Variants in SORBS2 observed in about 807,000 individuals in gnomAD.
SORBS2 encodes the protein sorbin and SH3 domain containing 2, also known as sorbin and SH3 domain-containing protein 2.
Under a neutral mutation model 97.7 loss-of-function variants are expected in SORBS2, and 46 were observed. The observed-to-expected ratio is 0.47, with a 90% CI of 0.37 to 0.60. The LOEUF is 0.60. SORBS2 is among the 20% of genes least tolerant of loss of function. The pLI is 0.00. For synonymous variants in SORBS2, 476 were observed against 473.4 expected (o/e 1.01, Z -0.07); for missense variants, 1,316 against 1,282.3 (o/e 1.03, Z -0.40).
At chr4:185,657,418 T>G, upstream of SORBS2, 1 of 1,534,338 alleles carries the variant, frequency 6.5e-7, no homozygotes, top group Non-Finnish European at 8.7e-7. Flanking sequence ...CGCTGGCATT[T>G]CCTACCGTTC....
intron 1 of SORBS2, among the ~76,000 whole-genome samples, chr4:185,877,882 A>AG (rs1407931116): frequency 1.3e-5 from 2 of 148,996 alleles, no homozygotes; most frequent in African/African-American, 4.9e-5. Flanking sequence ...AACAAAAAAA[A>AG]AAAAGAAAGA....
chr4:185,827,306 T>TCAC (rs1561211208), intron 1 of SORBS2, among the ~76,000 whole-genome samples: 5 of 64,454 alleles, frequency 7.8e-5, no homozygotes, highest in Admixed American at 1.5e-4. Context: ...ATCATCACCA[T>TCAC]CATCACCATC....
At chr4:185,660,664 T>C (rs1465944754), upstream of SORBS2, among the ~76,000 whole-genome samples, 2 of 152,226 alleles carry the variant, frequency 1.3e-5, no homozygotes, top group African/African-American at 2.4e-5. Context: ...AACAGCATCA[T>C]AGCCTCTCAA....
At chr4:185,838,782 T>C (rs1208856431) in intron 1 of SORBS2, among the ~76,000 whole-genome samples, 2 of 152,190 alleles carry the variant, frequency 1.3e-5, no homozygotes, top group Admixed American at 6.5e-5. Context: ...AGTTAAGTCC[T>C]AGTTAAGTAA....
At chr4:185,861,959 C>G (rs1337722265) in intron 1 of SORBS2, among the ~76,000 whole-genome samples, 2 of 152,120 alleles carry the variant, frequency 1.3e-5, no homozygotes, top group African/African-American at 4.8e-5. Flanking sequence ...TAGGGGGCAA[C>G]TGGAAGCTGG....
At position 185,646,714 on chromosome 4, in the gene SORBS2, A is replaced by G. The variant is rs748372194; in HGVS notation, c.350T>C (p.Phe117Ser). ...TGATGACTTGCCAGGTTCATATTCA[A>G]AAATACTCCTTGGCTCAGACCGAAA... The change falls in exon 4 of 15, where the codon TTT becomes TCT. Residue 117 changes from phenylalanine to serine, a missense_variant. Phe to Ser is a radical substitution (Grantham distance 155). Transcript: ENST00000418609. 4 of 1,613,864 alleles carry G rather than the reference A, an allele frequency of 2.5e-6. No individual in the cohort carries two copies. The African/African-American group carries it at 5.3e-5, about 22-fold the overall frequency.
intron 2 of SORBS2, among the ~76,000 whole-genome samples, chr4:185,744,379 G>A (rs1371631721): frequency 2.0e-5 from 3 of 152,076 alleles, no homozygotes; most frequent in Non-Finnish European, 4.4e-5. Context: ...CCAGGTTTCT[G>A]TTTCACTAAA....
chr4:185,885,844 T>C (rs899538099), intron 1 of SORBS2, among the ~76,000 whole-genome samples: 7 of 152,174 alleles, frequency 4.6e-5, no homozygotes, highest in Admixed American at 1.3e-4. Context: ...TTTTAGAAAA[T>C]ACGAATTCGG....
intron 11 of SORBS2, among the ~76,000 whole-genome samples, chr4:185,614,149 GT>G (rs1300167096): frequency 3.6e-5 from 4 of 110,912 alleles, no homozygotes; most frequent in East Asian, 3.0e-4. Flanking sequence ...GTTTTTGATT[GT>G]TTTTTTGTGT....
rs1378274531 is a variant in SORBS2, at chr4:185,606,068, T to C, written c.2796+5712A>G. 1.0e-6 allele frequency: 1 copy of C among 984,630 alleles called. No homozygotes were observed. The highest frequency in any genetic ancestry group is 1.7e-5 in the African/African-American group (1 of 57,242). 61.0% of individuals were successfully genotyped at this position (984,630 alleles called of 1,614,324 possible). On this transcript the variant is annotated intron_variant, in intron 12 of 14. Transcript: ENST00000418609. This position sits in a 1 kb window ranked among gnomAD's most constrained non-coding sequence, Gnocchi z 4.3. ...CAGAAGTGCTGTTTTTCTTTTCTGTTGTCTTTGTTTATTATTAGCATTATT... is the reference window on the plus strand; with the variant it reads ...CAGAAGTGCTGTTTTTCTTTTCTGTCGTCTTTGTTTATTATTAGCATTATT...
intron 4 of SORBS2, among the ~76,000 whole-genome samples, chr4:185,642,870 G>C (rs1463056571): frequency 1.3e-5 from 2 of 152,172 alleles, no homozygotes; most frequent in Non-Finnish European, 2.9e-5. Flanking sequence ...AGAATGTTTT[G>C]AGACCCACTG....
At chr4:185,800,554 C>G (rs2099125379) in intron 1 of SORBS2, among the ~76,000 whole-genome samples, 1 of 152,120 alleles carries the variant, frequency 6.6e-6, no homozygotes, top group Non-Finnish European at 1.5e-5. Context: ...GCTGTCCTCC[C>G]TGGGATCTTG....
chr4:185,717,239 C>T (rs1583328582), intron 2 of SORBS2, among the ~76,000 whole-genome samples: 4 of 152,200 alleles, frequency 2.6e-5, no homozygotes, highest in Admixed American at 2.6e-4. Flanking sequence ...AGGAGATGGC[C>T]GCTCTGTGTT....
chr4:185,684,846 T>A lies in SORBS2; in HGVS notation c.-197-6024A>T. 1.3e-6 allele frequency: 2 copies of A among 1,551,606 alleles called. No homozygotes were observed. The highest frequency in any genetic ancestry group is 1.7e-6 in the Non-Finnish European group (2 of 1,146,868). ...ACGTTTGCGAGCACACCCACCGCTATCTGGAAGCAAAAAAATGATATAGCA... is the reference window on the plus strand; with the variant it reads ...ACGTTTGCGAGCACACCCACCGCTAACTGGAAGCAAAAAAATGATATAGCA... On this transcript the variant is annotated intron_variant, in intron 2 of 20. Coordinates refer to the SORBS2 transcript ENST00000284776. The surrounding 1 kb of genome is among the most constrained non-coding windows in gnomAD (Gnocchi z 4.2).
At chr4:185,700,330 C>G (rs1401744887) in intron 2 of SORBS2, among the ~76,000 whole-genome samples, 2 of 132,206 alleles carry the variant, frequency 1.5e-5, no homozygotes, top group Non-Finnish European at 3.1e-5. Context: ...ACTTGAGTCT[C>G]TAGGCAGGCT....
intron 1 of SORBS2, among the ~76,000 whole-genome samples, chr4:185,790,659 C>T (rs77281266): frequency 6.6e-6 from 1 of 152,282 alleles, no homozygotes; most frequent in African/African-American, 2.4e-5. Flanking sequence ...GTAAAAGAAA[C>T]TATTATTTCA....
intron 1 of SORBS2, chr4:185,811,928 G>A (rs2099186974): frequency 1.3e-5 from 2 of 152,274 alleles, no homozygotes; most frequent in Non-Finnish European, 2.9e-5. Context: ...AAGCAGCTAG[G>A]GAGCTGCTGA....
intron 1 of SORBS2, among the ~76,000 whole-genome samples, chr4:185,909,760 G>A (rs1197188420): frequency 6.6e-6 from 1 of 151,854 alleles, no homozygotes; most frequent in Admixed American, 6.6e-5. Context: ...TTCACTCATA[G>A]CAATATTTGA....
intron 1 of SORBS2, among the ~76,000 whole-genome samples, chr4:185,845,926 G>A (rs139034293): frequency 4.1e-4 from 62 of 151,764 alleles, no homozygotes; most frequent in African/African-American, 1.4e-3. Context: ...ACAAGGATGT[G>A]GAGCAACAGG....
Sources: allele counts gnomAD v4.1 joint callset (sites outside exome capture counted in the v4.1 genomes callset), GRCh38; gene constraint gnomAD v4.1.1; non-coding constraint Gnocchi (gnomAD v3.1); transcripts MANE v1.5; gene names NCBI Gene and HGNC (gene_info 2026-07-23, HGNC 2026-07-21).